The following WWOX variants were observed in gnomAD, a reference collection of about 807,000 sequenced individuals.
WWOX encodes WW domain-containing oxidoreductase.
WWOX carries 69 observed loss-of-function variants against 46.2 expected under a neutral mutation model. That is an observed-to-expected ratio of 1.49 (90% CI 1.23 to 1.82). The LOEUF is 1.82. Ranked by LOEUF, WWOX falls within the 40% of genes most tolerant of loss-of-function variation. The probability of loss-of-function intolerance (pLI) is 0.00; values close to 1 mark genes in which losing one functional copy is unlikely to be tolerated. For missense variants in WWOX, 919 were observed against 542.6 expected (o/e 1.69, Z -6.89); for synonymous variants, 359 against 202.6 (o/e 1.77, Z -6.56).
At chr16:78,306,427 G>A (rs2080136021) in intron 5 of WWOX, among the ~76,000 whole-genome samples, 1 of 152,122 alleles carries the variant, frequency 6.6e-6, no homozygotes, top group Non-Finnish European at 1.5e-5. Context: ...CCTGCATCAT[G>A]GTGTCCACAG....
At chr16:78,590,431 C>A (rs1337933171) in intron 8 of WWOX, among the ~76,000 whole-genome samples, 2 of 152,156 alleles carry the variant, frequency 1.3e-5, no homozygotes, top group Non-Finnish European at 2.9e-5. Context: ...GGGAAGAACC[C>A]TTCAACTCTA....
intron 8 of WWOX, among the ~76,000 whole-genome samples, chr16:78,749,202 C>T (rs1000799556): frequency 5.9e-5 from 9 of 152,106 alleles, no homozygotes; most frequent in Admixed American, 5.9e-4. Flanking sequence ...GTGTGCCATG[C>T]ATCACACACA....
intron 8 of WWOX, among the ~76,000 whole-genome samples, chr16:79,171,045 T>G (rs911547130): frequency 1.3e-5 from 2 of 152,172 alleles, no homozygotes; most frequent in Admixed American, 1.3e-4. Context: ...CCTAGAGAAG[T>G]GAACTTTAAG....
At chr16:78,508,453 A>G (rs929968883) in intron 8 of WWOX, among the ~76,000 whole-genome samples, 7 of 151,952 alleles carry the variant, frequency 4.6e-5, no homozygotes, top group African/African-American at 1.7e-4. Context: ...AACAAAAACA[A>G]CACAGCCATC....
At chr16:78,949,400 C>A (rs2151300204) in intron 8 of WWOX, among the ~76,000 whole-genome samples, 1 of 152,278 alleles carries the variant, frequency 6.6e-6, no homozygotes, top group African/African-American at 2.4e-5. Flanking sequence ...GCTCAACCAG[C>A]CCTCAGCTCA....
chr16:78,360,883 C>T (rs938130342), intron 5 of WWOX, among the ~76,000 whole-genome samples: 2 of 151,568 alleles, frequency 1.3e-5, no homozygotes, highest in Admixed American at 1.3e-4. Flanking sequence ...CACAGTGGTA[C>T]GATCATGGGT....
chr16:78,646,856 C>A (rs144190621), intron 8 of WWOX, among the ~76,000 whole-genome samples: 1 of 152,166 alleles, frequency 6.6e-6, no homozygotes, highest in African/African-American at 2.4e-5. Context: ...ACTAACTCTG[C>A]TGTGTCACGC....
At chr16:78,278,815 T>C (rs951085911) in intron 5 of WWOX, 14 of 707,638 alleles carry the variant, frequency 2.0e-5, no homozygotes, top group Non-Finnish European at 3.3e-5. Context: ...ATTTATACCT[T>C]TATCAGTTTG....
At position 78,162,102 on chromosome 16, in the gene WWOX, T is replaced by A. The variant is rs539754410; in HGVS notation, c.410-2081T>A. Among the ~76,000 whole-genome samples, 128 of 152,338 alleles carry A rather than the reference T, an allele frequency of 8.4e-4. 1 individual carries two copies. Among genetic ancestry groups the A allele is most frequent in the Non-Finnish European group, 1.5e-3 (105 of 68,024 alleles). ...TGCCTGAAGAGCATCCTTTAGTGTT[T>A]CCTCTAGTGTGGGTCTATACGTGAC... On this transcript the variant is annotated intron_variant, in intron 4 of 8. Coordinates refer to ENST00000566780, the MANE Select transcript of WWOX (RefSeq NM_016373.4).
chr16:78,372,322 G>C (rs919345015), intron 5 of WWOX, among the ~76,000 whole-genome samples: 11 of 152,092 alleles, frequency 7.2e-5, no homozygotes, highest in African/African-American at 2.2e-4. Context: ...GTTCCTTATG[G>C]TCCTGTGGGT....
At chr16:78,372,158 A>G (rs1376732724) in intron 5 of WWOX, among the ~76,000 whole-genome samples, 1 of 152,202 alleles carries the variant, frequency 6.6e-6, no homozygotes, top group Non-Finnish European at 1.5e-5. Flanking sequence ...GGTAGTCTCC[A>G]TTACAGTTCT....
At chr16:78,793,391 A>G (rs760958182) in intron 8 of WWOX, among the ~76,000 whole-genome samples, 3 of 152,136 alleles carry the variant, frequency 2.0e-5, no homozygotes, top group Non-Finnish European at 4.4e-5. Flanking sequence ...CAAACTTGGT[A>G]TGGAACTGCA....
intron 8 of WWOX, among the ~76,000 whole-genome samples, chr16:78,580,142 C>T (rs1442289610): frequency 8.6e-5 from 13 of 150,950 alleles, no homozygotes; most frequent in Admixed American, 6.6e-4. Context: ...GGTGCAATCT[C>T]GGCTCACTGC....
intron 8 of WWOX, among the ~76,000 whole-genome samples, chr16:78,565,208 T>A (rs1319625417): frequency 6.6e-6 from 1 of 152,248 alleles, no homozygotes; most frequent in Non-Finnish European, 1.5e-5. Context: ...CTCTTGCTGA[T>A]AGCTGATTTG....
intron 8 of WWOX, among the ~76,000 whole-genome samples, chr16:79,067,781 G>T (rs187598305): frequency 1.2e-3 from 176 of 152,242 alleles, no homozygotes; most frequent in African/African-American, 4.0e-3. Flanking sequence ...GGGTATTACT[G>T]AGGACTTTGT....
chr16:78,916,420 T>G (rs1200388107), intron 8 of WWOX, among the ~76,000 whole-genome samples: 1 of 152,160 alleles, frequency 6.6e-6, no homozygotes, highest in Non-Finnish European at 1.5e-5. Context: ...CAAGATGAGA[T>G]TATTCACTGG....
intron 8 of WWOX, among the ~76,000 whole-genome samples, chr16:78,857,432 AC>A (rs1247255739): frequency 1.3e-5 from 2 of 152,150 alleles, no homozygotes; most frequent in Non-Finnish European, 2.9e-5. Context: ...CTGGAATAGA[AC>A]CTTTTTTTCC....
At chr16:78,518,935 G>A (rs944091653) in intron 8 of WWOX, among the ~76,000 whole-genome samples, 9 of 152,238 alleles carry the variant, frequency 5.9e-5, no homozygotes, top group African/African-American at 2.2e-4. Context: ...GTCTTCTGAA[G>A]TATAGGAAAA....
At chr16:78,856,390 C>G (rs1379438688) in intron 8 of WWOX, among the ~76,000 whole-genome samples, 1 of 152,172 alleles carries the variant, frequency 6.6e-6, no homozygotes, top group South Asian at 2.1e-4. Flanking sequence ...CGCCTGTAAT[C>G]GCAGCACTTT....
Sources: gnomAD v4.1 joint callset for allele counts (sites outside exome capture counted in the v4.1 genomes callset) on GRCh38, gnomAD v4.1.1 for gene constraint, MANE v1.5 for transcripts, NCBI Gene and HGNC (gene_info 2026-07-23, HGNC 2026-07-21) for gene names.